The following SLC6A4 variants were observed in gnomAD, a reference collection of about 807,000 sequenced individuals.
SLC6A4 encodes the protein solute carrier family 6 member 4.
SLC6A4 carries 22 observed loss-of-function variants against 73.4 expected under a neutral mutation model. The ratio of observed to expected loss-of-function variants is 0.30; its 90% CI spans 0.21 to 0.43. The LOEUF (loss-of-function observed/expected upper bound fraction) is 0.43, where lower values mean the gene tolerates loss of function less well. SLC6A4 is among the 20% of genes least tolerant of loss of function. The pLI, the probability that SLC6A4 is intolerant of heterozygous loss-of-function variation, is 1.00. For missense variants in SLC6A4, 593 were observed against 808.5 expected, an observed-to-expected ratio of 0.73 and a Z score of 3.23; for synonymous variants, 270 against 315.5, an observed-to-expected ratio of 0.86 and a Z score of 1.53.
In SLC6A4 at chr17:30,198,385, G is replaced by T; in HGVS notation, c.*71C>A. 1.2e-6 allele frequency: 1 copy of T among 831,288 alleles called. No homozygotes were observed. 51.5% of individuals were successfully genotyped at this position (831,288 alleles called of 1,614,324 possible). A position where few individuals can be genotyped will look rare whatever the true frequency, so the allele number is the denominator to read the frequency against. On this transcript the variant is annotated 3_prime_UTR_variant, in exon 15 of 15. Transcript: ENST00000650711. ...TGGAAACTCATTCACTTGGAGGGGA[G>T]AAGGCAGGCGTGCCTCATCAGAACT...
rs111715707 is a variant in SLC6A4, at chr17:30,230,122, AGAGGAG to A, written c.-221+5485_-221+5490del. ...AGGAGGAAGAGGAAGAGGAAGAGGA[AGAGGAG>A]GAGGAGGAGGAGGAGGAGGAGGAAG... On this transcript the variant is annotated intron_variant, in intron 1 of 14. Transcript: ENST00000650711. Among the ~76,000 whole-genome samples the A allele has an allele frequency of 4.9e-4, 60 of 123,658 alleles. 1 individual carries two copies. Among genetic ancestry groups the A allele is most frequent in the Middle Eastern group, 3.8e-3 (1 of 264 alleles). The allele number at this position is 123,658 out of a possible 152,430, so 81.1% of individuals were successfully genotyped here.
rs34019821 is a variant in SLC6A4, at chr17:30,218,415, GGA to G, written c.479-80_479-79del. On this transcript the variant is annotated intron_variant, in intron 4 of 14. Transcript: ENST00000650711. ...CGGCAAAAGGCTGAAACGGGGCACTGGAGAGCCCCGCAGCCCAGCAGAGGGGT... is the reference window on the plus strand; with the variant it reads ...CGGCAAAAGGCTGAAACGGGGCACTGGAGCCCCGCAGCCCAGCAGAGGGGT... The G allele has an allele frequency of 2.1e-3, 2,332 of 1,106,854 alleles. 32 individuals carry two copies. The African/African-American group carries it at 0.029, about 14-fold the overall frequency. 68.6% of individuals were successfully genotyped at this position (1,106,854 alleles called of 1,614,324 possible).
Position 30,216,015 on chromosome 17 carries a change from T to G in SLC6A4, c.972+67A>C, listed in dbSNP as rs59070149. On this transcript the variant is annotated intron_variant, in intron 7 of 14. Coordinates refer to ENST00000650711, the MANE Select transcript of SLC6A4 (RefSeq NM_001045.6). ...ATTTCAGTTGTCCCTACTGTCCTAT[T>G]TGGAGGAGGACCAGCTTCGTTTAGT... 1.1e-3 allele frequency: 1,562 copies of G among 1,430,734 alleles called. 4 individuals are homozygous for G. Among genetic ancestry groups the G allele is most frequent in the South Asian group, 2.3e-3 (186 of 81,278 alleles). The allele number at this position is 1,430,734 out of a possible 1,614,324, so 88.6% of individuals were successfully genotyped here. A position where few individuals can be genotyped will look rare whatever the true frequency, so the allele number is the denominator to read the frequency against.
intron 14 of SLC6A4, among the ~76,000 whole-genome samples, chr17:30,201,500 C>T (rs1442809345): frequency 3.3e-5 from 5 of 152,190 alleles, no homozygotes; most frequent in African/African-American, 7.2e-5. Flanking sequence ...GAGGTGTAGC[C>T]TGTGACTAAA....
In SLC6A4 at chr17:30,218,268, G is replaced by A. The variant is rs201387005; in HGVS notation, c.548C>T (p.Ala183Val). The stretch of plus-strand genomic sequence containing the variant: ...GAAGGAGGAGATGAGGTAGTATAGC[G>A]CCCAGGCCATGATGGTGTTGTAGTA... Reference protein sequence around the residue: ...ASYYNTIMAWALYYLISSFTD... With the variant: ...ASYYNTIMAWVLYYLISSFTD... The change falls in exon 5 of 15, where the codon GCG (alanine) becomes GTG (valine). Residue 183 changes from alanine to valine, a missense_variant. Coordinates refer to ENST00000650711, the MANE Select transcript of SLC6A4 (RefSeq NM_001045.6). 7 of 1,614,096 alleles carry A rather than the reference G, an allele frequency of 4.3e-6. No homozygotes were observed. The highest frequency in any genetic ancestry group is 4.5e-5 in the East Asian group (2 of 44,900).
chr17:30,200,217 T>A (rs1294161267), intron 14 of SLC6A4, among the ~76,000 whole-genome samples: 1 of 152,256 alleles, frequency 6.6e-6, no homozygotes. Context: ...TGCTGCCCTG[T>A]TGGTGACTGA....
At chr17:30,232,645 T>C (rs1907147720) in intron 1 of SLC6A4, among the ~76,000 whole-genome samples, 1 of 152,140 alleles carries the variant, frequency 6.6e-6, no homozygotes, top group Non-Finnish European at 1.5e-5. Context: ...AAAGGAAAGA[T>C]GGAAATAATA....
Position 30,194,785 on chromosome 17 carries a change from A to G in SLC6A4, c.*3671T>C, listed in dbSNP as rs1026664685. On this transcript the variant is annotated 3_prime_UTR_variant, in exon 15 of 15. Coordinates refer to ENST00000650711, the MANE Select transcript of SLC6A4 (RefSeq NM_001045.6). Reference sequence around the variant, plus strand: ...ACTGTCAGTGTTTAAAAATTGCTAGACACAATTCTTATCTACTATAATTGG... The same window carrying G: ...ACTGTCAGTGTTTAAAAATTGCTAGGCACAATTCTTATCTACTATAATTGG... 6.6e-6 allele frequency: 1 copy of G among 152,210 alleles called. No homozygotes were observed. The highest frequency in any genetic ancestry group is 1.5e-5 in the Non-Finnish European group (1 of 68,030). 9.4% of individuals were successfully genotyped at this position (152,210 alleles called of 1,614,324 possible). A position where few individuals can be genotyped will look rare whatever the true frequency, so the allele number is the denominator to read the frequency against.
At position 30,210,589 on chromosome 17, in the gene SLC6A4, C is replaced by T; in HGVS notation, c.1375G>A (p.Ala459Thr). Residue 459 changes from alanine (A) to threonine (T), a missense_variant, in exon 11 of 15, where the codon GCC (alanine) becomes ACC (threonine). By Grantham distance (58) the Ala-to-Thr change is moderately conservative (BLOSUM62 0). Transcript: ENST00000650711. ...AVLDEFPHVW[A>T]KRRERFVLAV... The stretch of plus-strand genomic sequence containing the variant: ...AGCACGAACCGCTCCCGGCGCTTGG[C>T]CCAGACGTGTGGGAACTCATCCAGC... 2 of 1,613,810 alleles carry T rather than the reference C, an allele frequency of 1.2e-6. No homozygotes were observed. The highest frequency in any genetic ancestry group is 2.2e-5 in the South Asian group (2 of 91,054).
At position 30,197,511 on chromosome 17, in the gene SLC6A4, A is replaced by C. The variant is rs1340919869; in HGVS notation, c.*945T>G. 1 of 152,446 alleles carries C rather than the reference A, an allele frequency of 6.6e-6. No individual in the cohort carries two copies. The highest frequency in any genetic ancestry group is 6.5e-5 in the Admixed American group (1 of 15,282). 9.4% of individuals were successfully genotyped at this position (152,446 alleles called of 1,614,324 possible). A position where few individuals can be genotyped will look rare whatever the true frequency, so the allele number is the denominator to read the frequency against. ...AGGGCCAGGTGAACACTGAAGGGGC[A>C]TGTGACAAGATCCACCTTCAACGTA... On this transcript the variant is annotated 3_prime_UTR_variant, in exon 15 of 15. Coordinates refer to ENST00000650711, the MANE Select transcript of SLC6A4 (RefSeq NM_001045.6).
At chr17:30,230,607 C>A (rs960190191) in intron 1 of SLC6A4, among the ~76,000 whole-genome samples, 2 of 151,930 alleles carry the variant, frequency 1.3e-5, no homozygotes, top group Non-Finnish European at 2.9e-5. Context: ...GGCTGCTGAG[C>A]AAGGCGGAAG....
chr17:30,196,231 A>G lies in SLC6A4; in HGVS notation c.*2225T>C, dbSNP rs1221052576. On this transcript the variant is annotated 3_prime_UTR_variant, in exon 15 of 15. Transcript: ENST00000650711. ...TATAAATGCTACATATAGATATAAA[A>G]GGTCTTTAAAATATTATTTTAAAAT... The G allele has an allele frequency of 6.6e-6, 1 of 152,048 alleles. No homozygotes were observed. Among genetic ancestry groups the G allele is most frequent in the Non-Finnish European group, 1.5e-5 (1 of 68,010 alleles). The allele number at this position is 152,048 out of a possible 1,614,324, so 9.4% of individuals were successfully genotyped here. A position where few individuals can be genotyped will look rare whatever the true frequency, so the allele number is the denominator to read the frequency against.
Position 30,212,334 on chromosome 17 carries a change from A to G in SLC6A4, c.1204+406T>C, listed in dbSNP as rs56209848. On this transcript the variant is annotated intron_variant, in intron 9 of 14. Coordinates refer to ENST00000650711, the MANE Select transcript of SLC6A4 (RefSeq NM_001045.6). ...GCCAAGGGAGTTGCCCTGTCCCTGC[A>G]TGGCCTGAACACATGGAAAGATCTC... is the stretch of plus-strand genomic sequence containing the variant. Among the ~76,000 whole-genome samples the G allele has an allele frequency of 5.9e-3, 893 of 152,360 alleles. 6 individuals are homozygous for G. Among genetic ancestry groups the G allele is most frequent in the African/African-American group, 0.021 (858 of 41,588 alleles).
intron 1 of SLC6A4, among the ~76,000 whole-genome samples, chr17:30,231,311 C>T (rs968276746): frequency 1.3e-5 from 2 of 149,956 alleles, no homozygotes; most frequent in African/African-American, 4.9e-5. Flanking sequence ...GTATGTATAC[C>T]TACAGATATA....
At chr17:30,209,947 C>T (rs547416205) in intron 11 of SLC6A4, among the ~76,000 whole-genome samples, 1 of 152,268 alleles carries the variant, frequency 6.6e-6, no homozygotes, top group South Asian at 2.1e-4. Context: ...CACAGTTTTG[C>T]CTTTCTGTCC....
intron 2 of SLC6A4, among the ~76,000 whole-genome samples, chr17:30,222,591 T>G (rs1906801629): frequency 6.6e-6 from 1 of 152,206 alleles, no homozygotes; most frequent in Non-Finnish European, 1.5e-5. Flanking sequence ...CAACTACAGC[T>G]ATGATTTTAA....
At chr17:30,233,884 AAGG>A (rs1907189402) in intron 1 of SLC6A4, among the ~76,000 whole-genome samples, 1 of 152,148 alleles carries the variant, frequency 6.6e-6, no homozygotes, top group African/African-American at 2.4e-5. Context: ...CACAACTAGG[AAGG>A]AGAAGGAGCT....
intron 13 of SLC6A4, 89 bp downstream of exon 13, chr17:30,207,643 C>A: frequency 1.2e-6 from 1 of 851,062 alleles, no homozygotes; most frequent in East Asian, 2.5e-5. Context: ...AAGGATGAGC[C>A]ACCGTGCCCA....
At chr17:30,212,314 G>A (rs184193679) in intron 9 of SLC6A4, among the ~76,000 whole-genome samples, 3 of 152,330 alleles carry the variant, frequency 2.0e-5, no homozygotes, top group Non-Finnish European at 4.4e-5. Context: ...TGGGTGCCAA[G>A]GGAGTTGCCC....
Sources: allele counts gnomAD v4.1 joint callset (sites outside exome capture counted in the v4.1 genomes callset), GRCh38; gene constraint gnomAD v4.1.1; transcripts MANE v1.5; gene names NCBI Gene and HGNC (gene_info 2026-07-23, HGNC 2026-07-21).